Variants in GARNL3 observed in about 807,000 individuals in gnomAD.
GARNL3 encodes the protein GTPase activating Rap/RanGAP domain like 3.
Under a neutral mutation model 125.0 loss-of-function variants are expected in GARNL3, and 63 were observed. The observed-to-expected ratio is 0.50, with a 90% CI of 0.41 to 0.62. The LOEUF (loss-of-function observed/expected upper bound fraction) is 0.62. GARNL3 is among the 20% of genes least tolerant of loss of function. GARNL3 has a pLI of 0.00. For synonymous variants in GARNL3, 439 were observed against 457.5 expected (o/e 0.96, Z 0.52); for missense variants, 994 against 1,244.0 (o/e 0.80, Z 3.02).
chr9:127,249,718 T>C (rs1478226293), intron 2 of GARNL3, among the ~76,000 whole-genome samples: 1 of 151,466 alleles, frequency 6.6e-6, no homozygotes, highest in Non-Finnish European at 1.5e-5. Flanking sequence ...TAAGAAAGAA[T>C]ACAAGAGGCC....
chr9:127,357,995 G>A (rs1220226639), intron 21 of GARNL3, among the ~76,000 whole-genome samples: 1 of 152,106 alleles, frequency 6.6e-6, no homozygotes, highest in East Asian at 1.9e-4. Flanking sequence ...AAGAAGGGGT[G>A]GAAACCCATT....
At chr9:127,317,886 T>C (rs2065285388) in intron 4 of GARNL3, among the ~76,000 whole-genome samples, 177 bp from the exon 5 acceptor site, 1 of 152,162 alleles carries the variant, frequency 6.6e-6, no homozygotes, top group Non-Finnish European at 1.5e-5. Context: ...ATCCTGGAAG[T>C]TGCTATCAAA....
chr9:127,242,595 A>C lies in GARNL3; in HGVS notation c.-28-484A>C, dbSNP rs895010152. On this transcript the variant is annotated intron_variant, in intron 1 of 10. Transcript: ENST00000439286. The surrounding 1 kb of genome is among the most constrained non-coding windows in gnomAD (Gnocchi z 4.6). Reference sequence around the variant, plus strand: ...CTATTACTCTTGAACTGTGGGCTTTAGTCCTTGTCTCCAGTGTTGTTGCCA... The same window carrying C: ...CTATTACTCTTGAACTGTGGGCTTTCGTCCTTGTCTCCAGTGTTGTTGCCA... Among the ~76,000 whole-genome samples the C allele has an allele frequency of 6.6e-6, 1 of 152,216 alleles. No homozygotes were observed. The highest frequency in any genetic ancestry group is 2.4e-5 in the African/African-American group (1 of 41,452).
At chr9:127,332,246 C>T (rs1228917384) in intron 7 of GARNL3, 28 bp from the exon 8 acceptor site, 6 of 1,558,948 alleles carry the variant, frequency 3.8e-6, no homozygotes, top group East Asian at 2.2e-5. Context: ...ATAAAATTAA[C>T]TGTAACACCT....
intron 22 of GARNL3, among the ~76,000 whole-genome samples, chr9:127,381,004 G>A (rs1410225255): frequency 2.0e-5 from 3 of 152,222 alleles, no homozygotes; most frequent in East Asian, 1.9e-4. Context: ...TCAGCCTCCC[G>A]AATAGCTGGG....
At chr9:127,298,536 C>T (rs1410542126) in intron 2 of GARNL3, among the ~76,000 whole-genome samples, 8 of 152,278 alleles carry the variant, frequency 5.3e-5, no homozygotes, top group Admixed American at 2.6e-4. Context: ...TACTCTACCA[C>T]GTGATACACC....
intron 17 of GARNL3, chr9:127,353,481 C>CTTTTT: frequency 6.9e-6 from 1 of 144,532 alleles, no homozygotes; most frequent in Non-Finnish European, 1.5e-5. Flanking sequence ...AATGGCTGCT[C>CTTTTT]TTTTTTTTTT....
At chr9:127,379,333 C>T (rs1441135270) in intron 22 of GARNL3, among the ~76,000 whole-genome samples, 3 of 152,162 alleles carry the variant, frequency 2.0e-5, no homozygotes, top group African/African-American at 4.8e-5. Context: ...GGGACCACCT[C>T]GTTCTAATGG....
chr9:127,368,651 AG>A (rs1424359065), intron 22 of GARNL3, among the ~76,000 whole-genome samples: 1 of 148,930 alleles, frequency 6.7e-6, no homozygotes, highest in Non-Finnish European at 1.5e-5. Flanking sequence ...TTCAAATATA[AG>A]GGCCAAGTGC....
At chr9:127,325,004 C>G in intron 6 of GARNL3, 65 bp from the exon 7 acceptor site, 1 of 1,487,370 alleles carries the variant, frequency 6.7e-7, no homozygotes. Flanking sequence ...TTGGCTTTCA[C>G]AGCAAGTCAA....
rs552066353 is a variant in GARNL3 at position 127,378,377 on chromosome 9, G to A, written c.2162-5061G>A. Among the ~76,000 whole-genome samples the A allele has an allele frequency of 7.8e-4, 119 of 151,706 alleles. 1 individual carries two copies. The highest frequency in any genetic ancestry group is 2.7e-3 in the African/African-American group (113 of 41,366). On this transcript the variant is annotated intron_variant, in intron 22 of 27. Coordinates refer to ENST00000373387, the MANE Select transcript of GARNL3 (RefSeq NM_032293.5). ...CCAAGAGGGCAGATCACCTGAGGTC[G>A]GGAGTTCAAGACCAGCCTGGCCAAC...
chr9:127,375,316 A>T (rs1831837809), intron 22 of GARNL3, among the ~76,000 whole-genome samples: 1 of 152,070 alleles, frequency 6.6e-6, no homozygotes, highest in African/African-American at 2.4e-5. Context: ...TACAAAAAAA[A>T]TTAGCCAGGC....
intron 7 of GARNL3, among the ~76,000 whole-genome samples, chr9:127,327,070 C>T (rs1364173553): frequency 1.3e-5 from 2 of 152,160 alleles, no homozygotes; most frequent in African/African-American, 2.4e-5. Flanking sequence ...CTGAAAAAAG[C>T]AACTCACAGG....
chr9:127,308,363 A>G (rs2065011037), intron 2 of GARNL3, among the ~76,000 whole-genome samples: 1 of 152,200 alleles, frequency 6.6e-6, no homozygotes, highest in African/African-American at 2.4e-5. Context: ...GACACAAAGA[A>G]GGGAACTATA....
chr9:127,247,733 T>C (rs972966244), intron 2 of GARNL3, among the ~76,000 whole-genome samples: 3 of 152,226 alleles, frequency 2.0e-5, no homozygotes, highest in Non-Finnish European at 4.4e-5. Context: ...ATCAGGGTAA[T>C]TGGGGTATCC....
At chr9:127,336,638 T>C (rs564229044) in intron 11 of GARNL3, among the ~76,000 whole-genome samples, 260 of 152,350 alleles carry the variant, frequency 1.7e-3, no homozygotes, top group African/African-American at 6.1e-3. Context: ...ATTTAAGCCC[T>C]GGTAATCGCT....
chr9:127,314,290 G>A (rs1003553471), intron 4 of GARNL3, among the ~76,000 whole-genome samples: 1 of 152,152 alleles, frequency 6.6e-6, no homozygotes, highest in Non-Finnish European at 1.5e-5. Flanking sequence ...ATTAACATTT[G>A]CAGCCACTGA....
intron 1 of GARNL3, among the ~76,000 whole-genome samples, chr9:127,233,431 A>G (rs1025019715): frequency 1.6e-4 from 25 of 152,284 alleles, no homozygotes; most frequent in African/African-American, 5.8e-4. Flanking sequence ...CTATTACCAG[A>G]AGAAGGGAAT....
intron 12 of GARNL3, among the ~76,000 whole-genome samples, chr9:127,338,875 A>C (rs1829697415): frequency 6.6e-6 from 1 of 152,120 alleles, no homozygotes; most frequent in South Asian, 2.1e-4. Context: ...CAGAGAAGGC[A>C]CTCCTGGCAT....
Sources: gnomAD v4.1 joint callset for allele counts (sites outside exome capture counted in the v4.1 genomes callset) on GRCh38, gnomAD v4.1.1 for gene constraint, Gnocchi (gnomAD v3.1) non-coding constraint, MANE v1.5 for transcripts, NCBI Gene and HGNC (gene_info 2026-07-23, HGNC 2026-07-21) for gene names.